Variants in ADAM32 observed in about 807,000 individuals in gnomAD.
ADAM32 encodes the protein ADAM metallopeptidase domain 32.
A neutral mutation model predicts 114.9 loss-of-function variants in ADAM32; 89 were observed. That is an observed-to-expected ratio of 0.77 (90% CI 0.65 to 0.92). ADAM32 has a LOEUF of 0.92. Among genes scored for constraint, ADAM32 ranks in the 40% least tolerant of loss-of-function variants. The pLI is 0.00. For missense variants in ADAM32, 870 were observed against 932.8 expected (o/e 0.93, Z 0.88); for synonymous variants, 285 against 307.5 (o/e 0.93, Z 0.77).
At chr8:39,265,754 T>A (rs987484118) in intron 19 of ADAM32, among the ~76,000 whole-genome samples, 1 of 152,030 alleles carries the variant, frequency 6.6e-6, no homozygotes, top group Non-Finnish European at 1.5e-5. Context: ...TGCTTAATAG[T>A]GTTGGGGGGC....
chr8:39,137,674 G>A (rs1387179010), intron 3 of ADAM32, among the ~76,000 whole-genome samples: 2 of 151,918 alleles, frequency 1.3e-5, no homozygotes, highest in African/African-American at 4.8e-5. Flanking sequence ...GGGAGGCTGA[G>A]GCAGGAGAAT....
intron 6 of ADAM32, among the ~76,000 whole-genome samples, chr8:39,153,468 G>A (rs1380101641): frequency 6.6e-6 from 1 of 152,156 alleles, no homozygotes; most frequent in East Asian, 1.9e-4. Flanking sequence ...TCTTTTTTAT[G>A]TGGGCTGCCC....
intron 11 of ADAM32, among the ~76,000 whole-genome samples, chr8:39,208,765 A>G (rs925505894): frequency 6.6e-5 from 10 of 152,098 alleles, no homozygotes; most frequent in Non-Finnish European, 1.2e-4. Context: ...TGCCAGATGT[A>G]CTGGCACTCC....
chr8:39,151,425 A>T lies in ADAM32; in HGVS notation c.402A>T (p.Glu134Asp). 6.2e-7 allele frequency: 1 copy of T among 1,603,322 alleles called. No homozygotes were observed. Residue 134 changes from glutamate (E) to aspartate (D), a missense_variant, in exon 6 of 25, where the codon GAA (glutamate) becomes GAT (aspartate). By Grantham distance (45) the Glu-to-Asp change is conservative (BLOSUM62 2). Coordinates refer to ENST00000379907, the MANE Select transcript of ADAM32 (RefSeq NM_145004.7). ...ENVSYGIEPLESAVEFQHVLY... is the reference protein window; with the variant it reads ...ENVSYGIEPLDSAVEFQHVLY... ...TTTCTTATGGAATTGAGCCTCTGGAATCTGCAGTTGAATTTCAGCATGTTC... is the reference window on the plus strand; with the variant it reads ...TTTCTTATGGAATTGAGCCTCTGGATTCTGCAGTTGAATTTCAGCATGTTC...
chr8:39,212,729 T>A (rs1808311310), intron 12 of ADAM32, among the ~76,000 whole-genome samples: 1 of 152,234 alleles, frequency 6.6e-6, no homozygotes, highest in Non-Finnish European at 1.5e-5. Context: ...AATGGACATT[T>A]AAGTTGTTAA....
intron 10 of ADAM32, among the ~76,000 whole-genome samples, chr8:39,180,189 T>TGGCGGGCCCCGCACTCGGAGC (rs1350799669): frequency 6.6e-6 from 1 of 152,184 alleles, no homozygotes; most frequent in Non-Finnish European, 1.5e-5. Context: ...GGCGTGGGCT[T>TGGCGGGCCCCGCACTCGGAGC]GGCGGGCCCC....
At chr8:39,118,471 A>G (rs1189789845) in intron 2 of ADAM32, among the ~76,000 whole-genome samples, 1 of 152,144 alleles carries the variant, frequency 6.6e-6, no homozygotes, top group Non-Finnish European at 1.5e-5. Flanking sequence ...ATTTTCTCCA[A>G]AATGTCTAAG....
chr8:39,283,640 G>T lies in ADAM32; in HGVS notation c.2357+16G>T. ...AAAGCAGTAGGTAAGTATATTAGAA[G>T]GTGTTTCTTAAAATAAATACATGTA... On this transcript the variant is annotated intron_variant, in intron 24 of 24. Coordinates refer to ENST00000379907, the MANE Select transcript of ADAM32 (RefSeq NM_145004.7). 1 of 1,578,054 alleles carries T rather than the reference G, an allele frequency of 6.3e-7. No homozygotes were observed. The highest frequency in any genetic ancestry group is 8.7e-7 in the Non-Finnish European group (1 of 1,154,016).
intron 3 of ADAM32, among the ~76,000 whole-genome samples, chr8:39,140,731 C>G (rs898719730): frequency 1.3e-5 from 2 of 152,136 alleles, no homozygotes; most frequent in African/African-American, 4.8e-5. Flanking sequence ...AGGAATGGTA[C>G]CAGCTACTCT....
intron 14 of ADAM32, among the ~76,000 whole-genome samples, chr8:39,227,358 C>T (rs977043550): frequency 1.3e-5 from 2 of 152,120 alleles, no homozygotes; most frequent in African/African-American, 4.8e-5. Flanking sequence ...GGAGAAAGAC[C>T]GTGGGAGTTC....
At chr8:39,171,920 A>G (rs4733907) in intron 10 of ADAM32, among the ~76,000 whole-genome samples, 149,846 of 151,392 alleles carry the variant, frequency 0.99, 74,172 homozygotes, top group Middle Eastern at 1. Context: ...GTAGTTGTAT[A>G]TTTCTTATAC....
At chr8:39,261,651 A>G (rs938565912) in intron 19 of ADAM32, among the ~76,000 whole-genome samples, 5 of 152,028 alleles carry the variant, frequency 3.3e-5, no homozygotes, top group African/African-American at 7.2e-5. Context: ...CATAGTGGCT[A>G]TCCTAGTTTA....
intron 10 of ADAM32, among the ~76,000 whole-genome samples, chr8:39,174,342 A>G (rs1165223689): frequency 6.6e-5 from 10 of 152,138 alleles, no homozygotes; most frequent in Admixed American, 5.9e-4. Flanking sequence ...TTGTACCAGT[A>G]CGATGCTGTT....
intron 2 of ADAM32, chr8:39,132,093 A>T: frequency 5.1e-6 from 1 of 197,782 alleles, no homozygotes; most frequent in Non-Finnish European, 1.1e-5. Context: ...GGGTTTCTGC[A>T]TGTTGGTCAG....
intron 11 of ADAM32, among the ~76,000 whole-genome samples, chr8:39,209,578 T>G (rs998401679): frequency 2.6e-5 from 4 of 152,364 alleles, no homozygotes; most frequent in Admixed American, 2.6e-4. Flanking sequence ...TCTTCTCATC[T>G]TTACAGTCTG....
At chr8:39,271,024 C>A in intron 20 of ADAM32, 110 bp downstream of exon 20, 2 of 930,832 alleles carry the variant, frequency 2.1e-6, no homozygotes, top group Admixed American at 2.6e-5. Flanking sequence ...TAAAGCAATG[C>A]ACTGAAATCC....
At chr8:39,193,901 C>T (rs968151332) in intron 11 of ADAM32, among the ~76,000 whole-genome samples, 1 of 152,192 alleles carries the variant, frequency 6.6e-6, no homozygotes, top group Non-Finnish European at 1.5e-5. Context: ...AGACTGCTGG[C>T]CACAACATTC....
rs149190573 is a variant in ADAM32 at position 39,261,635 on chromosome 8, G to C, written c.2162+4292G>C. Among the ~76,000 whole-genome samples, 1,183 of 152,192 alleles carry C rather than the reference G, an allele frequency of 7.8e-3. 10 individuals are homozygous for C. Among genetic ancestry groups the C allele is most frequent in the African/African-American group, 0.027 (1,120 of 41,540 alleles). ...TTGTTTTTTGAGGAGCTGCCCTGCT[G>C]TTCTCCATAGTGGCTATCCTAGTTT... On this transcript the variant is annotated intron_variant, in intron 19 of 24. Coordinates refer to ENST00000379907, the MANE Select transcript of ADAM32 (RefSeq NM_145004.7).
intron 2 of ADAM32, among the ~76,000 whole-genome samples, chr8:39,127,021 A>G (rs1035828286): frequency 2.0e-5 from 3 of 152,162 alleles, no homozygotes; most frequent in Non-Finnish European, 4.4e-5. Flanking sequence ...GATGAAGCCT[A>G]CTTGATCATG....
Sources: allele counts gnomAD v4.1 joint callset (sites outside exome capture counted in the v4.1 genomes callset), GRCh38; gene constraint gnomAD v4.1.1; transcripts MANE v1.5; gene names NCBI Gene and HGNC (gene_info 2026-07-23, HGNC 2026-07-21).